DENND4B: variants seen among roughly 807,000 people sequenced by gnomAD.
DENND4B encodes DENN domain-containing protein 4B.
In DENND4B, 67 loss-of-function variants were observed where a neutral mutation model predicts 161.0. That is an observed-to-expected ratio of 0.42 (90% CI 0.34 to 0.51). The LOEUF (loss-of-function observed/expected upper bound fraction) is 0.51, where lower values mean the gene tolerates loss of function less well. DENND4B is among the 20% of genes least tolerant of loss of function. The pLI is 0.08. For missense variants in DENND4B, 1,481 were observed against 1,968.0 expected, an observed-to-expected ratio of 0.75 and a Z score of 4.68; for synonymous variants, 753 against 813.8, an observed-to-expected ratio of 0.93 and a Z score of 1.27.
rs1679962670 is a variant in DENND4B, at chr1:153,946,280, C to G, written c.-24+21G>C. 2.9e-6 allele frequency: 1 copy of G among 346,530 alleles called. No individual in the cohort carries two copies. The highest frequency in any genetic ancestry group is 4.8e-5 in the Admixed American group (1 of 20,944). 21.5% of individuals were successfully genotyped at this position (346,530 alleles called of 1,614,324 possible). A position where few individuals can be genotyped will look rare whatever the true frequency, so the allele number is the denominator to read the frequency against. On this transcript the variant is annotated intron_variant, in intron 1 of 27. Coordinates refer to ENST00000361217, the MANE Select transcript of DENND4B (RefSeq NM_014856.3). The surrounding 1 kb of genome is among the most constrained non-coding windows in gnomAD (Gnocchi z 6.3). ...CTGCCCGTCCCCGCCTGCCGCCCAG[C>G]CCGGTCCAGCCCCTACCTGCCTGTC...
At position 153,936,110 on chromosome 1, in the gene DENND4B, G is replaced by A. The variant is rs750915651; in HGVS notation, c.2518C>T (p.Arg840Cys). 4.0e-5 allele frequency: 64 copies of A among 1,612,180 alleles called. 1 individual carries two copies. The South Asian group carries it at 6.4e-4, about 16-fold the overall frequency. Residue 840 changes from arginine to cysteine, a missense_variant, in exon 17 of 28, where the codon CGT (arginine) becomes TGT (cysteine). By Grantham distance (180) the Arg-to-Cys change is radical. This residue lies in a region of DENND4B where 806 missense variants were observed against 1,134.4 expected (regional missense o/e 0.71). Coordinates refer to ENST00000361217, the MANE Select transcript of DENND4B (RefSeq NM_014856.3). The surrounding 1 kb of genome is among the most constrained non-coding windows in gnomAD (Gnocchi z 4.1). The stretch of plus-strand genomic sequence containing the variant: ...GTGTTGGGCACAATGCCTGCCTGAC[G>A]CATCTCCAGCATGACCCGCACAGAC... Reference protein sequence around the residue: ...VLSVRVMLEMRQAGIVPNTIT... With the variant: ...VLSVRVMLEMCQAGIVPNTIT...
chr1:153,941,128 C>A, intron 8 of DENND4B, 80 bp from the exon 9 acceptor site: 1 of 1,568,688 alleles, frequency 6.4e-7, no homozygotes, highest in Non-Finnish European at 8.6e-7. Context: ...ACAGCCACCA[C>A]CTGGACCCAG....
In DENND4B at chr1:153,941,478, G is replaced by A. The variant is rs375790272; in HGVS notation, c.1056-38C>T. 142 of 1,568,412 alleles carry A rather than the reference G, an allele frequency of 9.1e-5. No individual in the cohort carries two copies. In the African/African-American group the frequency reaches 1.2e-3, roughly 13 times the overall value. Reference sequence around the variant, plus strand: ...GAAACAGGTCAGAGCATACTCCCCCGTCCATCCCTGTCCTCCCTCCACATT... The same window carrying A: ...GAAACAGGTCAGAGCATACTCCCCCATCCATCCCTGTCCTCCCTCCACATT... On this transcript the variant is annotated intron_variant, in intron 6 of 27. Coordinates refer to ENST00000361217, the MANE Select transcript of DENND4B (RefSeq NM_014856.3).
chr1:153,934,981 C>A lies in DENND4B; in HGVS notation c.2569-17G>T, dbSNP rs765663471. 2 of 1,607,706 alleles carry A rather than the reference C, an allele frequency of 1.2e-6. No homozygotes were observed. The highest frequency in any genetic ancestry group is 3.3e-5 in the Admixed American group (2 of 59,980). ...CAACACAGCCTACCAAGCACAGTGC[C>A]CATCAGGATGGCCTACCTCGACACC... On this transcript the variant is annotated splice_polypyrimidine_tract_variant and intron_variant, in intron 17 of 27. Transcript: ENST00000361217. This position sits in a 1 kb window ranked among gnomAD's most constrained non-coding sequence, Gnocchi z 5.3.
Position 153,944,294 on chromosome 1 carries a change from C to T in DENND4B, c.81G>A (p.Glu27=), listed in dbSNP as rs1292383593. The T allele has an allele frequency of 6.2e-7, 1 of 1,605,328 alleles. No individual in the cohort carries two copies. The highest frequency in any genetic ancestry group is 1.3e-5 in the African/African-American group (1 of 74,748). The change falls in exon 2 of 28, where the codon GAG becomes GAA. Residue 27 remains glutamate, a synonymous_variant. Coordinates refer to ENST00000361217, the MANE Select transcript of DENND4B (RefSeq NM_014856.3). This position sits in a 1 kb window ranked among gnomAD's most constrained non-coding sequence, Gnocchi z 4.8. ...CACTGGGTTCAGGAACCCACGTTTC[C>T]TCAGGGATGGGTGCTCCGTTCCCTG... is the stretch of plus-strand genomic sequence containing the variant. The part of the protein sequence containing the change: ...GLAGNGAPIP[E]ETWVPEPSGP...
In DENND4B at chr1:153,940,907, G is replaced by A; in HGVS notation, c.1323C>T (p.Val441=). Residue 441 remains valine (V), a synonymous_variant, in exon 9 of 28, where the codon GTC becomes GTT. Coordinates refer to ENST00000361217, the MANE Select transcript of DENND4B (RefSeq NM_014856.3). The surrounding 1 kb of genome is among the most constrained non-coding windows in gnomAD (Gnocchi z 5.6). The part of the protein sequence containing the change: ...DLLTSVCEAL[V]SMIFPLHWQC... ...GGCCAGGCGGGGCGGCACTCACCGA[G>A]ACGAGGGCCTCACAGACGCTGGTGA... is the stretch of plus-strand genomic sequence containing the variant. 6.4e-7 allele frequency: 1 copy of A among 1,570,846 alleles called. No individual in the cohort carries two copies. Among genetic ancestry groups the A allele is most frequent in the South Asian group, 1.2e-5 (1 of 86,422 alleles).
At chr1:153,939,554 T>G in intron 12 of DENND4B, 35 bp downstream of exon 12, 1 of 1,568,080 alleles carries the variant, frequency 6.4e-7, no homozygotes, top group East Asian at 2.3e-5. Context: ...CCTCCTCCCA[T>G]GATACATCTC....
In DENND4B at chr1:153,942,379, G is replaced by T; in HGVS notation, c.641-23C>A. 1 of 1,605,524 alleles carries T rather than the reference G, an allele frequency of 6.2e-7. No individual in the cohort carries two copies. The highest frequency in any genetic ancestry group is 8.5e-7 in the Non-Finnish European group (1 of 1,175,576). On this transcript the variant is annotated intron_variant, in intron 4 of 27. Transcript: ENST00000361217. The surrounding 1 kb of genome is among the most constrained non-coding windows in gnomAD (Gnocchi z 6.9). Reference sequence around the variant, plus strand: ...GCTCTGCACCCCCAGCATAGTTGGGGGTACCCAAAAGGAGCAGGGTCCATC... The same window carrying T: ...GCTCTGCACCCCCAGCATAGTTGGGTGTACCCAAAAGGAGCAGGGTCCATC...
At position 153,935,493 on chromosome 1, in the gene DENND4B, CCCA is replaced by C. The variant is rs1679281982; in HGVS notation, c.2569-532_2569-530del. 2.0e-5 allele frequency among the ~76,000 whole-genome samples: 3 copies of C among 152,280 alleles called. No individual in the cohort carries two copies. In the South Asian group the frequency reaches 6.2e-4, roughly 32 times the overall value. ...TCCCAAGTAGCTGGGACTACAGGCACCCACCACCACACCAAGCTAATTTCTGTA... is the reference window on the plus strand; with the variant it reads ...TCCCAAGTAGCTGGGACTACAGGCACCCACCACACCAAGCTAATTTCTGTA... On this transcript the variant is annotated intron_variant, in intron 17 of 27. Coordinates refer to ENST00000361217, the MANE Select transcript of DENND4B (RefSeq NM_014856.3).
intron 13 of DENND4B, 30 bp downstream of exon 13, chr1:153,938,870 G>A (rs895777162): frequency 6.4e-7 from 1 of 1,561,954 alleles, no homozygotes; most frequent in Non-Finnish European, 8.7e-7. Context: ...GACAGCAGAG[G>A]CCAATGAGCA....
In DENND4B at chr1:153,942,147, C is replaced by T. The variant is rs143527223; in HGVS notation, c.811-34G>A. ...GGGCAGAAGGGTAGTCAGGCAGGCC[C>T]TGCATAGCCTGGACCCCTTGCCACA... On this transcript the variant is annotated intron_variant, in intron 5 of 27. Transcript: ENST00000361217. The surrounding 1 kb of genome is among the most constrained non-coding windows in gnomAD (Gnocchi z 6.9). 2.2e-3 allele frequency: 3,559 copies of T among 1,613,958 alleles called. 11 individuals are homozygous for T. The highest frequency in any genetic ancestry group is 7.4e-3 in the Middle Eastern group (45 of 6,062).
rs762059967 is a variant in DENND4B at position 153,940,890 on chromosome 1, G to A, written c.1326+14C>T. ...TGGTTCTGGGGAAGATGGGCCAGGCGGGGCGGCACTCACCGAGACGAGGGC... is the reference window on the plus strand; with the variant it reads ...TGGTTCTGGGGAAGATGGGCCAGGCAGGGCGGCACTCACCGAGACGAGGGC... On this transcript the variant is annotated intron_variant, in intron 9 of 27. Coordinates refer to ENST00000361217, the MANE Select transcript of DENND4B (RefSeq NM_014856.3). This position sits in a 1 kb window ranked among gnomAD's most constrained non-coding sequence, Gnocchi z 5.6. The A allele has an allele frequency of 4.6e-5, 72 of 1,552,454 alleles. No homozygotes were observed. Among genetic ancestry groups the A allele is most frequent in the Non-Finnish European group, 5.6e-5 (65 of 1,153,048 alleles).
At position 153,939,618 on chromosome 1, in the gene DENND4B, C is replaced by G. The variant is rs373574654; in HGVS notation, c.1790G>C (p.Arg597Pro). 3 of 1,611,258 alleles carry G rather than the reference C, an allele frequency of 1.9e-6. No individual in the cohort carries two copies. Among genetic ancestry groups the G allele is most frequent in the Non-Finnish European group, 2.5e-6 (3 of 1,177,808 alleles). The part of the protein sequence containing the change: ...PLTQAPSEGA[R>P]DVDNLFFLQG... ...CAGGAAGAAAAGGTTGTCAACATCA[C>G]GAGCTCCCTCGGAGGGGGCCTGGGT... The change falls in exon 12 of 28, where the codon CGT becomes CCT. Residue 597 changes from arginine to proline, a missense_variant. Physicochemically the swap from Arg to Pro is moderately radical, Grantham distance 103. Transcript: ENST00000361217.
At position 153,932,244 on chromosome 1, in the gene DENND4B, CCTGGTAGAATACTGGGCAGG is replaced by C; in HGVS notation, c.3936_3955del (p.Leu1313ProfsTer7). 1 of 1,613,982 alleles carries C rather than the reference CCTGGTAGAATACTGGGCAGG, an allele frequency of 6.2e-7. No individual in the cohort carries two copies. The highest frequency in any genetic ancestry group is 8.5e-7 in the Non-Finnish European group (1 of 1,179,876). On this transcript the variant is annotated frameshift_variant, in exon 24 of 28. Coordinates refer to ENST00000361217, the MANE Select transcript of DENND4B (RefSeq NM_014856.3). LOFTEE classifies it high-confidence loss of function. The surrounding 1 kb of genome is among the most constrained non-coding windows in gnomAD (Gnocchi z 5.8). The stretch of plus-strand genomic sequence containing the variant: ...CCCATCACAGGAGGCCAGCACCAGG[CCTGGTAGAATACTGGGCAGG>C]CGTAGCCGTTGGAAATACCACAAAA...
chr1:153,934,837 T>C lies in DENND4B; in HGVS notation c.2696A>G (p.Gln899Arg), dbSNP rs768887160. 1.9e-6 allele frequency: 3 copies of C among 1,609,274 alleles called. No individual in the cohort carries two copies. The African/African-American group carries it at 4.0e-5, about 22-fold the overall frequency. Reference sequence around the variant, plus strand: ...CTGCTGCTGCTGCTGCTGTTGCTGCTGCTGCTGCTGTTGCCGTTCTCTCAA... The same window carrying C: ...CTGCTGCTGCTGCTGCTGTTGCTGCCGCTGCTGCTGTTGCCGTTCTCTCAA... ...QPLRERQQQQ[Q>R]QQQQQQQQQQ... The change falls in exon 18 of 28, where the codon CAG becomes CGG. Residue 899 changes from glutamine (Q) to arginine (R), a missense_variant. This residue lies in a region of DENND4B where 339 missense variants were observed against 330.3 expected (regional missense o/e 1.03). Coordinates refer to ENST00000361217, the MANE Select transcript of DENND4B (RefSeq NM_014856.3). The surrounding 1 kb of genome is among the most constrained non-coding windows in gnomAD (Gnocchi z 5.3).
chr1:153,934,909 G>A lies in DENND4B; in HGVS notation c.2624C>T (p.Ala875Val). The A allele has an allele frequency of 6.2e-7, 1 of 1,613,458 alleles. No individual in the cohort carries two copies. The highest frequency in any genetic ancestry group is 8.5e-7 in the Non-Finnish European group (1 of 1,179,908). The change falls in exon 18 of 28, where the codon GCC (alanine) becomes GTC (valine). Residue 875 changes from alanine (A) to valine (V), a missense_variant. Physicochemically the swap from Ala to Val is moderately conservative, Grantham distance 64. This residue lies in a region of DENND4B where 339 missense variants were observed against 330.3 expected (regional missense o/e 1.03). Transcript: ENST00000361217. The surrounding 1 kb of genome is among the most constrained non-coding windows in gnomAD (Gnocchi z 5.3). The stretch of plus-strand genomic sequence containing the variant: ...CCCCAGGACAACATTCCGGAGCTTG[G>A]CCCAGCGCAGACGCCCACCTGGTGT... ...SGTPGGRLRWAKLRNVVLGAA... is the reference protein window; with the variant it reads ...SGTPGGRLRWVKLRNVVLGAA...
Position 153,932,551 on chromosome 1 carries a change from G to C in DENND4B, c.3759+91C>G. The C allele has an allele frequency of 3.2e-6, 5 of 1,565,154 alleles. No homozygotes were observed. The highest frequency in any genetic ancestry group is 4.3e-6 in the Non-Finnish European group (5 of 1,154,498). ...TTTGGGATGCCCCTTGCCCTCAAGGGCAAGAGATGTGCCCATCTCTCCCTG... is the reference window on the plus strand; with the variant it reads ...TTTGGGATGCCCCTTGCCCTCAAGGCCAAGAGATGTGCCCATCTCTCCCTG... On this transcript the variant is annotated intron_variant, in intron 23 of 27. Transcript: ENST00000361217. The surrounding 1 kb of genome is among the most constrained non-coding windows in gnomAD (Gnocchi z 5.8).
chr1:153,941,773 C>CGGGGGGGGGG, intron 6 of DENND4B, 96 bp downstream of exon 6: 3 of 1,426,298 alleles, frequency 2.1e-6, no homozygotes, highest in Non-Finnish European at 2.9e-6. Context: ...ACCCTGTGCC[C>CGGGGGGGGGG]AGCCCTCCCC....
Position 153,934,950 on chromosome 1 carries a change from G to A in DENND4B, c.2583C>T (p.Ser861=), listed in dbSNP as rs1679245654. 6.2e-7 allele frequency: 1 copy of A among 1,611,736 alleles called. No homozygotes were observed. Among genetic ancestry groups the A allele is most frequent in the Non-Finnish European group, 8.5e-7 (1 of 1,179,880 alleles). The stretch of plus-strand genomic sequence containing the variant: ...CACCTGGTGTGCCAGACGGCCACTT[G>A]CTTTCCAACACAGCCTACCAAGCAC... The part of the protein sequence containing the change: ...YGYYNKAVLE[S]KWPSGTPGGR... The change falls in exon 18 of 28, where the codon AGC becomes AGT. Residue 861 remains serine, a synonymous_variant. Transcript: ENST00000361217. This position sits in a 1 kb window ranked among gnomAD's most constrained non-coding sequence, Gnocchi z 5.3.
Sources: gnomAD v4.1 joint callset for allele counts (sites outside exome capture counted in the v4.1 genomes callset) on GRCh38, gnomAD v4.1.1 for gene constraint, gnomAD v4.1.1 regional missense constraint, Gnocchi (gnomAD v3.1) non-coding constraint, MANE v1.5 for transcripts, NCBI Gene and HGNC (gene_info 2026-07-23, HGNC 2026-07-21) for gene names.